The following DLG2 variants were observed in gnomAD, a reference collection of about 807,000 sequenced individuals.
DLG2 encodes the protein disks large homolog 2.
In DLG2, 45 loss-of-function variants were observed where a neutral mutation model predicts 132.5. The ratio of observed to expected loss-of-function variants is 0.34; its 90% CI spans 0.27 to 0.44. The LOEUF (loss-of-function observed/expected upper bound fraction) is 0.44. DLG2 is among the 20% of genes least tolerant of loss of function. The pLI is 1.00. For missense variants in DLG2, 1,045 were observed against 1,196.9 expected (o/e 0.87, Z 1.87); for synonymous variants, 424 against 419.6 (o/e 1.01, Z -0.13).
chr11:84,599,529 G>T (rs547954830), intron 6 of DLG2, among the ~76,000 whole-genome samples: 1 of 152,104 alleles, frequency 6.6e-6, no homozygotes, highest in Non-Finnish European at 1.5e-5. Flanking sequence ...TATTTTAAAT[G>T]CTTTGTGTCT....
intron 6 of DLG2, among the ~76,000 whole-genome samples, chr11:84,956,204 T>C (rs528664743): frequency 6.6e-6 from 1 of 152,164 alleles, no homozygotes; most frequent in Admixed American, 6.5e-5. Context: ...TGGCAATAAC[T>C]CAAGCAAAGC....
At chr11:83,875,679 C>T (rs1369076454) in intron 15 of DLG2, among the ~76,000 whole-genome samples, 3 of 152,092 alleles carry the variant, frequency 2.0e-5, no homozygotes, top group Non-Finnish European at 4.4e-5. Context: ...ACACTATTTA[C>T]ATATACACAT....
intron 15 of DLG2, among the ~76,000 whole-genome samples, chr11:83,903,415 C>T (rs1205053363): frequency 6.6e-6 from 1 of 152,026 alleles, no homozygotes; most frequent in Non-Finnish European, 1.5e-5. Context: ...TACTCCTGAC[C>T]TTCTCTCTGG....
chr11:84,994,925 G>A (rs1362614458), intron 6 of DLG2, among the ~76,000 whole-genome samples: 1 of 152,148 alleles, frequency 6.6e-6, no homozygotes, highest in East Asian at 1.9e-4. Context: ...CTTAATATGT[G>A]TCCTCTGGAG....
chr11:85,297,317 G>A (rs2079295346), intron 3 of DLG2, among the ~76,000 whole-genome samples: 1 of 152,168 alleles, frequency 6.6e-6, no homozygotes, highest in South Asian at 2.1e-4. Flanking sequence ...GCTTGTAGAT[G>A]AATGGTTTTT....
intron 6 of DLG2, among the ~76,000 whole-genome samples, chr11:85,028,125 G>C (rs2060691210): frequency 6.6e-6 from 1 of 151,964 alleles, no homozygotes; most frequent in African/African-American, 2.4e-5. Flanking sequence ...TCAATGAAGA[G>C]GGATCTGCAG....
intron 18 of DLG2, among the ~76,000 whole-genome samples, chr11:83,740,635 T>C (rs1262532630): frequency 6.6e-6 from 1 of 152,218 alleles, no homozygotes; most frequent in East Asian, 1.9e-4. Flanking sequence ...CCTGTCTATA[T>C]GCTATCAATA....
At chr11:85,621,129 T>C (rs2081664083) in intron 2 of DLG2, among the ~76,000 whole-genome samples, 1 of 151,918 alleles carries the variant, frequency 6.6e-6, no homozygotes. Context: ...GCTCTAAAAG[T>C]AGGTCAACAA....
rs754106505 is a variant in DLG2 at position 84,534,741 on chromosome 11, A to G, written c.358-10T>C. ...CTTGATATCGATACTTCTAGGAGAA[A>G]AGAAAAGAAAGGACAAGTATGTATA... On this transcript the variant is annotated splice_polypyrimidine_tract_variant and intron_variant, in intron 6 of 27. Coordinates refer to ENST00000376104, the MANE Select transcript of DLG2 (RefSeq NM_001142699.3). 1 of 1,613,504 alleles carries G rather than the reference A, an allele frequency of 6.2e-7. No individual in the cohort carries two copies. The highest frequency in any genetic ancestry group is 8.5e-7 in the Non-Finnish European group (1 of 1,179,438).
Position 84,878,576 on chromosome 11 carries a change from G to A in DLG2, c.357+233085C>T, listed in dbSNP as rs915752131. Among the ~76,000 whole-genome samples, 4 of 152,066 alleles carry A rather than the reference G, an allele frequency of 2.6e-5. No homozygotes were observed. The East Asian group carries it at 5.8e-4, about 22-fold the overall frequency. ...TGTCGGTGGGTGGGTGGCTAGGGGA[G>A]GGATAGCATTAGGAGAAATACCTAA... On this transcript the variant is annotated intron_variant, in intron 6 of 27. Transcript: ENST00000376104.
At chr11:83,565,522 TC>T (rs1252762843) in intron 19 of DLG2, among the ~76,000 whole-genome samples, 1 of 152,230 alleles carries the variant, frequency 6.6e-6, no homozygotes, top group African/African-American at 2.4e-5. Flanking sequence ...AACTGAATTT[TC>T]TCAGAACTGC....
chr11:84,601,780 G>A (rs980587501), intron 6 of DLG2, among the ~76,000 whole-genome samples: 1 of 151,894 alleles, frequency 6.6e-6, no homozygotes, highest in Non-Finnish European at 1.5e-5. Flanking sequence ...AAATTTTCTT[G>A]AATAATCATG....
chr11:84,650,789 T>G (rs2099680584), intron 6 of DLG2, among the ~76,000 whole-genome samples: 2 of 149,860 alleles, frequency 1.3e-5, no homozygotes, highest in Admixed American at 6.7e-5. Context: ...TATATTTTAT[T>G]GTGTTAATAT....
At chr11:84,599,859 C>G (rs1484186270) in intron 6 of DLG2, among the ~76,000 whole-genome samples, 1 of 151,772 alleles carries the variant, frequency 6.6e-6, no homozygotes, top group African/African-American at 2.4e-5. Flanking sequence ...TGGCAAAACC[C>G]CATCTCTACA....
intron 3 of DLG2, chr11:85,469,587 C>G (rs2092917707): frequency 6.6e-6 from 1 of 152,222 alleles, no homozygotes; most frequent in South Asian, 2.1e-4. Context: ...CTTCAGTCCT[C>G]TTCCACCACG....
At chr11:84,635,312 T>C (rs1337399729) in intron 6 of DLG2, among the ~76,000 whole-genome samples, 1 of 152,114 alleles carries the variant, frequency 6.6e-6, no homozygotes, top group Non-Finnish European at 1.5e-5. Context: ...CCACCCTTCC[T>C]TGGGGCCAAT....
intron 6 of DLG2, among the ~76,000 whole-genome samples, chr11:85,041,296 G>A (rs576962054): frequency 6.6e-6 from 1 of 152,068 alleles, no homozygotes; most frequent in African/African-American, 2.4e-5. Flanking sequence ...ATTGACACTG[G>A]TGAGAAGATA....
At chr11:85,436,268 A>G (rs1435247835) in intron 3 of DLG2, among the ~76,000 whole-genome samples, 1 of 152,188 alleles carries the variant, frequency 6.6e-6, no homozygotes, top group East Asian at 1.9e-4. Context: ...TTTATTATGA[A>G]ATCACCAAAA....
intron 6 of DLG2, among the ~76,000 whole-genome samples, chr11:84,946,099 C>T (rs985890808): frequency 6.6e-5 from 10 of 152,078 alleles, no homozygotes; most frequent in Non-Finnish European, 7.4e-5. Context: ...TGTGCCTCTC[C>T]GTTAAGGGCA....
Sources: gnomAD v4.1 joint callset for allele counts (sites outside exome capture counted in the v4.1 genomes callset) on GRCh38, gnomAD v4.1.1 for gene constraint, MANE v1.5 for transcripts, NCBI Gene and HGNC (gene_info 2026-07-23, HGNC 2026-07-21) for gene names.